The following CLNS1A variants were observed in gnomAD, a reference collection of about 807,000 sequenced individuals.
The protein encoded by CLNS1A is chloride nucleotide-sensitive channel 1A, also known as methylosome subunit pICln.
In CLNS1A, 16 loss-of-function variants were observed where a neutral mutation model predicts 29.4. The ratio of observed to expected loss-of-function variants is 0.54; its 90% confidence interval spans 0.37 to 0.83. The LOEUF (loss-of-function observed/expected upper bound fraction) is 0.83. Among genes scored for constraint, CLNS1A ranks in the 40% least tolerant of loss-of-function variants. CLNS1A has a pLI of 0.00. For synonymous variants in CLNS1A, 96 were observed against 104.8 expected (o/e 0.92, Z 0.51); for missense variants, 235 against 287.4 (o/e 0.82, Z 1.32).
At chr11:77,637,313 CAGAGAA>C (rs565263320) in intron 1 of CLNS1A, among the ~76,000 whole-genome samples, 793 of 78,528 alleles carry the variant, frequency 0.01, 4 homozygotes, top group Non-Finnish European at 0.016. Flanking sequence ...GAGAAAGAGA[CAGAGAA>C]AGAGAAAGAG....
chr11:77,617,320 T>C (rs1027256771), intron 6 of CLNS1A, among the ~76,000 whole-genome samples: 1 of 140,728 alleles, frequency 7.1e-6, no homozygotes, highest in East Asian at 2.1e-4. Context: ...GGTGAGCCGA[T>C]TGCACCATTG....
intron 5 of CLNS1A, among the ~76,000 whole-genome samples, chr11:77,620,390 T>C (rs1958944956): frequency 6.6e-6 from 1 of 152,232 alleles, no homozygotes; most frequent in Non-Finnish European, 1.5e-5. Flanking sequence ...ATTGTGAGGT[T>C]TCCCCAGCCA....
At chr11:77,637,198 C>A (rs1237960340) in intron 1 of CLNS1A, among the ~76,000 whole-genome samples, 1 of 121,402 alleles carries the variant, frequency 8.2e-6, no homozygotes, top group Non-Finnish European at 1.6e-5. Flanking sequence ...CCAGACCGTG[C>A]GTTAAGGGCA....
At chr11:77,634,734 A>G (rs528059109) in intron 1 of CLNS1A, among the ~76,000 whole-genome samples, 4 of 152,132 alleles carry the variant, frequency 2.6e-5, no homozygotes, top group African/African-American at 9.6e-5. Context: ...AAAAAAAAAA[A>G]AAAAAAAAAA....
At chr11:77,633,856 C>A (rs1192593415) in intron 1 of CLNS1A, among the ~76,000 whole-genome samples, 11 of 152,060 alleles carry the variant, frequency 7.2e-5, no homozygotes, top group Non-Finnish European at 1.0e-4. Context: ...ATCCCAGCAT[C>A]TTGGGAGGCC....
At position 77,629,845 on chromosome 11, in the gene CLNS1A, G is replaced by A. The variant is rs1218302038; in HGVS notation, c.180C>T (p.Thr60=). ...SGLGFSLEYP[T]ISLHALSRDR... is the part of the protein sequence containing the mutation. Reference sequence around the variant, plus strand: ...CCCTGGATAATGCATGTAAACTAATGGTGGGGTATTCCAGTGAGAATCCTA... The same window carrying A: ...CCCTGGATAATGCATGTAAACTAATAGTGGGGTATTCCAGTGAGAATCCTA... The change falls in exon 2 of 7, where the codon ACC becomes ACT. Residue 60 remains threonine (T), a synonymous_variant. Coordinates refer to ENST00000525428, the MANE Select transcript of CLNS1A (RefSeq NM_001293.3). 1 of 1,613,546 alleles carries A rather than the reference G, an allele frequency of 6.2e-7. No individual in the cohort carries two copies. Among genetic ancestry groups the A allele is most frequent in the African/African-American group, 1.3e-5 (1 of 74,900 alleles).
chr11:77,621,500 T>G (rs182259068), intron 5 of CLNS1A, among the ~76,000 whole-genome samples: 3 of 152,004 alleles, frequency 2.0e-5, no homozygotes, highest in Admixed American at 6.5e-5. Flanking sequence ...AAAAATTAGC[T>G]GGGAGCGGTG....
At position 77,620,183 on chromosome 11, in the gene CLNS1A, G is replaced by A. The variant is rs558278058; in HGVS notation, c.647-488C>T. Among the ~76,000 whole-genome samples the A allele has an allele frequency of 2.0e-5, 3 of 152,252 alleles. No individual in the cohort carries two copies. The East Asian group carries it at 5.8e-4, about 29-fold the overall frequency. ...TGTGTCCCTACCCAAATTTCATCTT[G>A]AATTCCCACGTGTTGTGGGAGGGAT... On this transcript the variant is annotated intron_variant, in intron 5 of 6. Transcript: ENST00000525428.
chr11:77,616,126 G>C lies in CLNS1A; in HGVS notation c.*592C>G, dbSNP rs527602927. The C allele has an allele frequency of 6.6e-6, 1 of 152,226 alleles. No individual in the cohort carries two copies. The highest frequency in any genetic ancestry group is 1.9e-4 in the East Asian group (1 of 5,190). 9.4% of individuals were successfully genotyped at this position (152,226 alleles called of 1,614,324 possible). ...TTTTAAAAAACATTTCTCATTAATG[G>C]TTTTAGTCAAGAATGAGAGCAAAGT... On this transcript the variant is annotated 3_prime_UTR_variant, in exon 7 of 7. Transcript: ENST00000525428.
chr11:77,637,584 C>T lies in CLNS1A; in HGVS notation c.125+6G>A. On this transcript the variant is annotated splice_donor_region_variant and intron_variant, in intron 1 of 6. Transcript: ENST00000525428. ...GGAGGCCAGCGCTGGGGACCAGGAA[C>T]CCTACCTCTCAGCGATGTAAAGGGT... 1 of 1,601,086 alleles carries T rather than the reference C, an allele frequency of 6.2e-7. No homozygotes were observed. Among genetic ancestry groups the T allele is most frequent in the Non-Finnish European group, 8.5e-7 (1 of 1,174,354 alleles).
At position 77,619,509 on chromosome 11, in the gene CLNS1A, G is replaced by A; in HGVS notation, c.*22+97C>T. 8.5e-6 allele frequency: 7 copies of A among 819,094 alleles called. No homozygotes were observed. In the South Asian group the frequency reaches 9.5e-5, roughly 11 times the overall value. The allele number at this position is 819,094 out of a possible 1,614,324, so 50.7% of individuals were successfully genotyped here. Reference sequence around the variant, plus strand: ...ACTGCACTCTAGCCTGGGTGACAGAGTAAGACCCTGTCTCAAGAAAGAATT... The same window carrying A: ...ACTGCACTCTAGCCTGGGTGACAGAATAAGACCCTGTCTCAAGAAAGAATT... On this transcript the variant is annotated intron_variant, in intron 6 of 6. Transcript: ENST00000525428.
intron 5 of CLNS1A, among the ~76,000 whole-genome samples, chr11:77,621,646 GA>G (rs753992811): frequency 2.6e-5 from 4 of 151,970 alleles, no homozygotes; most frequent in African/African-American, 9.7e-5. Context: ...TCCATCTTAA[GA>G]AAAAAAGAAG....
At chr11:77,633,826 T>C (rs1252395783) in intron 1 of CLNS1A, among the ~76,000 whole-genome samples, 1 of 151,986 alleles carries the variant, frequency 6.6e-6, no homozygotes, top group Non-Finnish European at 1.5e-5. Flanking sequence ...CCTGGCCGGG[T>C]GCAGTGGCTA....
At chr11:77,626,422 C>T (rs187053177) in intron 2 of CLNS1A, among the ~76,000 whole-genome samples, 1 of 152,006 alleles carries the variant, frequency 6.6e-6, no homozygotes, top group Non-Finnish European at 1.5e-5. Flanking sequence ...GGGCGGATCA[C>T]GAGGTCAGGA....
At chr11:77,626,056 G>A (rs944777204) in intron 2 of CLNS1A, among the ~76,000 whole-genome samples, 4 of 151,986 alleles carry the variant, frequency 2.6e-5, no homozygotes, top group African/African-American at 9.7e-5. Context: ...GCGCCTCACC[G>A]GGAATGAATT....
intron 1 of CLNS1A, among the ~76,000 whole-genome samples, chr11:77,634,687 G>A (rs986321847): frequency 2.2e-5 from 3 of 138,144 alleles, no homozygotes; most frequent in Non-Finnish European, 3.0e-5. Context: ...TCGCGCCACT[G>A]CACTCCAGCC....
At chr11:77,637,471 C>G (rs1590807438) in intron 1 of CLNS1A, 119 bp downstream of exon 1, 2 of 1,345,188 alleles carry the variant, frequency 1.5e-6, no homozygotes, top group Non-Finnish European at 9.9e-7. Flanking sequence ...GCGTCGGGCA[C>G]GAGACCCCGC....
intron 1 of CLNS1A, among the ~76,000 whole-genome samples, chr11:77,632,482 T>G (rs1408144084): frequency 6.6e-6 from 1 of 152,224 alleles, no homozygotes; most frequent in African/African-American, 2.4e-5. Flanking sequence ...TCCTTACTAG[T>G]GCAGAGAGAA....
intron 2 of CLNS1A, among the ~76,000 whole-genome samples, chr11:77,626,429 A>G (rs1439364430): frequency 1.3e-5 from 2 of 152,078 alleles, no homozygotes; most frequent in African/African-American, 4.8e-5. Flanking sequence ...TCACGAGGTC[A>G]GGAGTTTGAG....
Sources: allele counts gnomAD v4.1 joint callset (sites outside exome capture counted in the v4.1 genomes callset), GRCh38; gene constraint gnomAD v4.1.1; transcripts MANE v1.5; gene names NCBI Gene and HGNC (gene_info 2026-07-23, HGNC 2026-07-21).